The following COL4A3 variants were observed in gnomAD, a reference collection of about 807,000 sequenced individuals.
The protein encoded by COL4A3 is collagen alpha-3(IV) chain.
COL4A3 carries 135 observed loss-of-function variants against 217.4 expected under a neutral mutation model. That is an observed-to-expected ratio of 0.62 (90% CI 0.54 to 0.72). The LOEUF is 0.72. COL4A3 is among the 30% of genes least tolerant of loss of function. The pLI, the probability that COL4A3 is intolerant of heterozygous loss-of-function variation, is 0.00. For missense variants in COL4A3, 1,868 were observed against 2,119.9 expected, an observed-to-expected ratio of 0.88 and a Z score of 2.33; for synonymous variants, 690 against 736.3, an observed-to-expected ratio of 0.94 and a Z score of 1.02.
At chr2:227,257,856 G>T (rs2070288222) in intron 18 of COL4A3, among the ~76,000 whole-genome samples, 2 of 152,186 alleles carry the variant, frequency 1.3e-5, no homozygotes, top group Non-Finnish European at 2.9e-5. Context: ...CACTAGTGAT[G>T]CCCATGATGG....
intron 1 of COL4A3, among the ~76,000 whole-genome samples, chr2:227,229,966 G>A (rs7562427): frequency 0.32 from 48,278 of 151,036 alleles, 8,151 homozygotes; most frequent in Non-Finnish European, 0.36. Flanking sequence ...CAGGAGAATG[G>A]CGTGAACTCG....
chr2:227,223,744 A>G (rs2067939001), intron 1 of COL4A3, among the ~76,000 whole-genome samples: 2 of 116,924 alleles, frequency 1.7e-5, no homozygotes, highest in Non-Finnish European at 4.4e-5. Context: ...AAATAAATAA[A>G]TAAACAAATA....
At chr2:227,179,524 T>A (rs192181062) in intron 1 of COL4A3, among the ~76,000 whole-genome samples, 1 of 152,350 alleles carries the variant, frequency 6.6e-6, no homozygotes, top group Admixed American at 6.5e-5. Flanking sequence ...ATCTTTGTGG[T>A]TCGAGCTCTT....
intron 20 of COL4A3, among the ~76,000 whole-genome samples, 199 bp from the exon 21 acceptor site, chr2:227,263,581 C>T (rs528415045): frequency 1.3e-5 from 2 of 152,288 alleles, no homozygotes; most frequent in South Asian, 2.1e-4. Context: ...GAATGTTCTG[C>T]ACTTCACTGT....
intron 1 of COL4A3, among the ~76,000 whole-genome samples, chr2:227,204,740 C>G (rs969703389): frequency 5.3e-5 from 8 of 152,220 alleles, no homozygotes; most frequent in Non-Finnish European, 1.0e-4. Context: ...GCCGTTCATG[C>G]GTAGCTTCCA....
At chr2:227,172,490 TTTC>T (rs563812159) in intron 1 of COL4A3, among the ~76,000 whole-genome samples, 38 of 151,290 alleles carry the variant, frequency 2.5e-4, no homozygotes, top group African/African-American at 9.2e-4. Context: ...ACTGCTCTGG[TTTC>T]TTCTTCTCCT....
chr2:227,248,387 A>G, intron 8 of COL4A3, 56 bp from the exon 9 acceptor site: 4 of 1,045,766 alleles, frequency 3.8e-6, no homozygotes, highest in Non-Finnish European at 6.1e-6. Context: ...TAAGCACTTG[A>G]AGGGGTTTTG....
intron 34 of COL4A3, among the ~76,000 whole-genome samples, chr2:227,288,917 A>G (rs1329193777): frequency 6.6e-6 from 1 of 151,166 alleles, no homozygotes; most frequent in African/African-American, 2.4e-5. Context: ...CAAAATTTTA[A>G]CATGAATTTT....
chr2:227,271,015 G>A lies in COL4A3; in HGVS notation c.1758+63G>A. 4.5e-6 allele frequency: 7 copies of A among 1,554,932 alleles called. No homozygotes were observed. The South Asian group carries it at 7.9e-5, about 18-fold the overall frequency. On this transcript the variant is annotated intron_variant, in intron 25 of 51. Transcript: ENST00000396578. ...GTACTCTGAAGTTAAGAGATAAAGT[G>A]ATTTCTTTTCCAAAAATGGTTGGCC...
chr2:227,205,811 T>G (rs370548477), intron 1 of COL4A3, among the ~76,000 whole-genome samples: 25 of 152,276 alleles, frequency 1.6e-4, no homozygotes, highest in African/African-American at 5.5e-4. Flanking sequence ...AACTTCTGGT[T>G]TCTTAGGTAT....
rs62277853 is a variant in COL4A3 at position 227,248,706 on chromosome 2, C to A, written c.546+186C>A. ...GCCTCATTTCATTCTAAAGCTTTCA[C>A]CCTATTCTGGAAAACTACATGATGC... On this transcript the variant is annotated intron_variant, in intron 9 of 51. Transcript: ENST00000396578. Among the ~76,000 whole-genome samples the A allele has an allele frequency of 0.12, 17,610 of 152,134 alleles. 1,095 individuals are homozygous for A. The highest frequency in any genetic ancestry group is 0.18 in the Admixed American group (2,806 of 15,262).
intron 50 of COL4A3, 56 bp from the exon 51 acceptor site, chr2:227,310,720 G>A: frequency 6.8e-7 from 1 of 1,480,104 alleles, no homozygotes; most frequent in Non-Finnish European, 9.4e-7. Flanking sequence ...GTAGAGAATT[G>A]AAAATTTGAA....
At chr2:227,237,330 AC>A (rs1389572387) in intron 1 of COL4A3, among the ~76,000 whole-genome samples, 2 of 152,054 alleles carry the variant, frequency 1.3e-5, no homozygotes, top group African/African-American at 4.8e-5. Context: ...CCTTAATATC[AC>A]CTATGGAATA....
At chr2:227,238,115 C>T (rs1482549876) in intron 2 of COL4A3, 91 bp downstream of exon 2, 3 of 826,838 alleles carry the variant, frequency 3.6e-6, no homozygotes, top group East Asian at 2.5e-5. Flanking sequence ...CAGAAAGATC[C>T]GCAGTATGTT....
chr2:227,245,241 C>T lies in COL4A3; in HGVS notation c.324+246C>T, dbSNP rs6750355. ...ATAATTAGTAAATTATATGGTAAGT[C>T]GGCCCTCCATATCCAGTGATTCCAC... On this transcript the variant is annotated intron_variant, in intron 5 of 51. Coordinates refer to ENST00000396578, the MANE Select transcript of COL4A3 (RefSeq NM_000091.5). Among the ~76,000 whole-genome samples the T allele has an allele frequency of 0.76, 115,341 of 151,654 alleles. 45,038 individuals carry two copies. Among genetic ancestry groups the T allele is most frequent in the East Asian group, 0.91 (4,676 of 5,152 alleles).
intron 1 of COL4A3, among the ~76,000 whole-genome samples, chr2:227,185,387 C>G (rs1448316010): frequency 6.6e-6 from 1 of 152,172 alleles, no homozygotes; most frequent in Non-Finnish European, 1.5e-5. Flanking sequence ...TGCTGCTAGA[C>G]AACATGCCAA....
chr2:227,200,975 G>C (rs10167118), intron 1 of COL4A3, among the ~76,000 whole-genome samples: 15 of 152,040 alleles, frequency 9.9e-5, no homozygotes, highest in African/African-American at 3.6e-4. Context: ...CAAGAACATG[G>C]GAAGAAGTGT....
Position 227,270,809 on chromosome 2 carries a change from G to GA in COL4A3, c.1620dup (p.Gly541ArgfsTer2), listed in dbSNP as rs1203888337. The GA allele has an allele frequency of 6.2e-7, 1 of 1,614,108 alleles. No individual in the cohort carries two copies. The highest frequency in any genetic ancestry group is 1.1e-5 in the South Asian group (1 of 91,078). ...CCAGGGTGACCCAGGACTTAAAGGAGAAAAAGGTGAAACACTTCAGCCTGA... is the reference window on the plus strand; with the variant it reads ...CCAGGGTGACCCAGGACTTAAAGGAGAAAAAAGGTGAAACACTTCAGCCTGA... On this transcript the variant is annotated frameshift_variant, in exon 25 of 52. Transcript: ENST00000396578. LOFTEE classifies it high-confidence loss of function.
chr2:227,280,677 G>C, intron 30 of COL4A3, 87 bp downstream of exon 30: 1 of 1,456,352 alleles, frequency 6.9e-7, no homozygotes, highest in Non-Finnish European at 9.6e-7. Context: ...TAGGCATGAA[G>C]AATTCTCCCA....
Sources: gnomAD v4.1 joint callset for allele counts (sites outside exome capture counted in the v4.1 genomes callset) on GRCh38, gnomAD v4.1.1 for gene constraint, MANE v1.5 for transcripts, NCBI Gene and HGNC (gene_info 2026-07-23, HGNC 2026-07-21) for gene names.